Variants in PCGF6 observed in about 807,000 individuals in gnomAD.
PCGF6 encodes polycomb group RING finger protein 6.
Under a neutral mutation model 45.5 loss-of-function variants are expected in PCGF6, and 24 were observed. The ratio of observed to expected loss-of-function variants is 0.53; its 90% confidence interval spans 0.38 to 0.74. PCGF6 has a LOEUF of 0.74. Among genes scored for constraint, PCGF6 ranks in the 30% least tolerant of loss-of-function variants. The pLI is 0.00. For synonymous variants in PCGF6, 152 were observed against 162.1 expected, an observed-to-expected ratio of 0.94 and a Z score of 0.47; for missense variants, 356 against 443.2, an observed-to-expected ratio of 0.80 and a Z score of 1.77.
chr10:103,339,801 CAAAA>C (rs200037917), intron 6 of PCGF6, among the ~76,000 whole-genome samples: 868 of 26,776 alleles, frequency 0.032, 15 homozygotes, highest in South Asian at 0.14. Context: ...CTGTCTGTCT[CAAAA>C]AAAAAACACA....
intron 8 of PCGF6, among the ~76,000 whole-genome samples, chr10:103,325,305 G>C (rs2093213959): frequency 6.6e-6 from 1 of 152,098 alleles, no homozygotes; most frequent in Non-Finnish European, 1.5e-5. Context: ...CCAGGCTGGA[G>C]TGCAGTAGCG....
chr10:103,336,326 T>C (rs1205367218), intron 6 of PCGF6, among the ~76,000 whole-genome samples: 1 of 151,254 alleles, frequency 6.6e-6, no homozygotes, highest in African/African-American at 2.4e-5. Context: ...ATAAATGATA[T>C]ATTATTTTAT....
chr10:103,309,004 A>G (rs1180367168), intron 9 of PCGF6, among the ~76,000 whole-genome samples: 1 of 152,176 alleles, frequency 6.6e-6, no homozygotes, highest in African/African-American at 2.4e-5. Flanking sequence ...TATTTGCCCA[A>G]TGTTTATACC....
chr10:103,326,916 T>TG (rs2093220954), intron 7 of PCGF6, among the ~76,000 whole-genome samples: 1 of 152,202 alleles, frequency 6.6e-6, no homozygotes, highest in African/African-American at 2.4e-5. Context: ...AAACTCAGAG[T>TG]AAAATTTATT....
intron 9 of PCGF6, among the ~76,000 whole-genome samples, chr10:103,307,212 G>A (rs1043174298): frequency 7.9e-5 from 12 of 152,192 alleles, no homozygotes; most frequent in African/African-American, 2.7e-4. Flanking sequence ...AAAGGCTGAG[G>A]TTGGAGTATC....
chr10:103,349,236 T>TG (rs1318093851), intron 1 of PCGF6, among the ~76,000 whole-genome samples: 1 of 150,786 alleles, frequency 6.6e-6, no homozygotes, highest in Non-Finnish European at 1.5e-5. Context: ...TTAGTAGAGA[T>TG]GGGGTTTCAC....
intron 8 of PCGF6, among the ~76,000 whole-genome samples, chr10:103,315,916 T>C (rs959671306): frequency 6.6e-6 from 1 of 151,888 alleles, no homozygotes; most frequent in African/African-American, 2.4e-5. Flanking sequence ...AATCTTTCAC[T>C]GAGTACTACT....
intron 9 of PCGF6, among the ~76,000 whole-genome samples, chr10:103,306,126 T>G (rs911508516): frequency 2.0e-5 from 3 of 151,652 alleles, no homozygotes; most frequent in African/African-American, 7.3e-5. Flanking sequence ...GAGATGGAGT[T>G]TTGCTCTCTT....
intron 8 of PCGF6, among the ~76,000 whole-genome samples, chr10:103,317,980 C>T (rs977111622): frequency 3.3e-5 from 5 of 150,652 alleles, no homozygotes; most frequent in Non-Finnish European, 7.4e-5. Context: ...TGGTCTCGAA[C>T]TCCCGAACTC....
chr10:103,350,343 G>T (rs2093316531), intron 1 of PCGF6, among the ~76,000 whole-genome samples: 1 of 151,858 alleles, frequency 6.6e-6, no homozygotes, highest in Non-Finnish European at 1.5e-5. Flanking sequence ...GGAGGCTGAG[G>T]CGGGAGGATC....
chr10:103,316,605 C>T (rs930183610), intron 8 of PCGF6, among the ~76,000 whole-genome samples: 2 of 152,098 alleles, frequency 1.3e-5, no homozygotes, highest in East Asian at 3.8e-4. Context: ...TTCTCCAAAG[C>T]CTAAATGCCA....
chr10:103,321,348 A>G (rs116935979), intron 8 of PCGF6, among the ~76,000 whole-genome samples: 4,221 of 152,272 alleles, frequency 0.028, 75 homozygotes, highest in Middle Eastern at 0.034. Flanking sequence ...TAAGCAAAAA[A>G]GAAACCCACA....
chr10:103,319,931 G>A (rs1469615175), intron 8 of PCGF6, among the ~76,000 whole-genome samples: 2 of 151,972 alleles, frequency 1.3e-5, no homozygotes, highest in African/African-American at 2.4e-5. Context: ...TCATCTTCCC[G>A]AGTAGCTGGG....
chr10:103,312,667 A>G (rs2093161496), intron 9 of PCGF6: 1 of 152,252 alleles, frequency 6.6e-6, no homozygotes, highest in African/African-American at 2.4e-5. Context: ...ATAGCTCTTA[A>G]AACAATTTTC....
intron 8 of PCGF6, among the ~76,000 whole-genome samples, chr10:103,319,460 C>T (rs1163586651): frequency 6.6e-6 from 1 of 151,978 alleles, no homozygotes; most frequent in Admixed American, 6.6e-5. Flanking sequence ...CATACATACT[C>T]TTCTTTGCTA....
chr10:103,306,246 C>T (rs542760901), intron 9 of PCGF6, among the ~76,000 whole-genome samples: 37 of 152,062 alleles, frequency 2.4e-4, no homozygotes, highest in South Asian at 1.7e-3. Flanking sequence ...TACAGGCAGG[C>T]GTCAACACCC....
intron 8 of PCGF6, among the ~76,000 whole-genome samples, chr10:103,320,626 G>T (rs550597466): frequency 6.6e-6 from 1 of 152,144 alleles, no homozygotes; most frequent in Non-Finnish European, 1.5e-5. Flanking sequence ...GGCGGAGGTT[G>T]CGGTGAGCCG....
chr10:103,314,894 G>T (rs2093169004), intron 8 of PCGF6, among the ~76,000 whole-genome samples: 7 of 134,214 alleles, frequency 5.2e-5, no homozygotes. Context: ...GGTGTTGGTT[G>T]CAATGAGCCG....
intron 3 of PCGF6, chr10:103,348,281 T>C (rs908017798): frequency 6.3e-6 from 1 of 157,598 alleles, no homozygotes; most frequent in Non-Finnish European, 1.4e-5. Flanking sequence ...GCTCTATACA[T>C]ATTTCTTAAA....
Sources: allele counts gnomAD v4.1 joint callset (sites outside exome capture counted in the v4.1 genomes callset), GRCh38; gene constraint gnomAD v4.1.1; transcripts MANE v1.5; gene names NCBI Gene and HGNC (gene_info 2026-07-23, HGNC 2026-07-21).